The following RABGAP1L variants were observed in gnomAD, a reference collection of about 807,000 sequenced individuals.
RABGAP1L encodes the protein RAB GTPase activating protein 1 like.
In RABGAP1L, 63 loss-of-function variants were observed where a neutral mutation model predicts 137.7. That is an observed-to-expected ratio of 0.46 (90% CI 0.37 to 0.56). The LOEUF is 0.56. Ranked by LOEUF, RABGAP1L falls within the 20% of genes least tolerant of loss-of-function variation. The pLI is 0.00. For missense variants in RABGAP1L, 1,095 were observed against 1,244.0 expected (o/e 0.88, Z 1.80); for synonymous variants, 431 against 433.7 (o/e 0.99, Z 0.08).
chr1:174,909,632 C>T (rs181512813), intron 19 of RABGAP1L, among the ~76,000 whole-genome samples: 4 of 152,082 alleles, frequency 2.6e-5, no homozygotes, highest in East Asian at 1.9e-4. Flanking sequence ...AAGTTAAAAT[C>T]GAAACTTTAG....
intron 13 of RABGAP1L, among the ~76,000 whole-genome samples, chr1:174,477,879 A>G (rs1219246354): frequency 6.6e-6 from 1 of 152,154 alleles, no homozygotes; most frequent in Non-Finnish European, 1.5e-5. Context: ...TCAGTCATTT[A>G]GAGATTTTTT....
chr1:174,643,781 A>G (rs1459875437), intron 14 of RABGAP1L, among the ~76,000 whole-genome samples: 2 of 151,972 alleles, frequency 1.3e-5, no homozygotes, highest in Non-Finnish European at 1.5e-5. Flanking sequence ...CATATTATTC[A>G]TTTTAGATGA....
chr1:174,453,496 G>A (rs1356108432), intron 13 of RABGAP1L, among the ~76,000 whole-genome samples: 1 of 152,188 alleles, frequency 6.6e-6, no homozygotes, highest in Non-Finnish European at 1.5e-5. Flanking sequence ...AGATTTAGAT[G>A]TGAGAAATCT....
At chr1:174,334,601 C>A (rs542055164) in intron 11 of RABGAP1L, among the ~76,000 whole-genome samples, 1 of 152,316 alleles carries the variant, frequency 6.6e-6, no homozygotes, top group South Asian at 2.1e-4. Context: ...TTCCAACAAA[C>A]AAACCAGATG....
intron 1 of RABGAP1L, among the ~76,000 whole-genome samples, chr1:174,210,658 G>T (rs75907910): frequency 0.022 from 3,387 of 152,242 alleles, 60 homozygotes; most frequent in Middle Eastern, 0.088. Context: ...GATAGAGAAA[G>T]ATATGGGTAG....
chr1:174,569,253 C>CA (rs34575771), intron 13 of RABGAP1L, among the ~76,000 whole-genome samples: 1 of 151,998 alleles, frequency 6.6e-6, no homozygotes, highest in Non-Finnish European at 1.5e-5. Flanking sequence ...ACCCAGCCCT[C>CA]AAAAAAAGAG....
At chr1:174,671,383 A>C (rs556704711) in intron 14 of RABGAP1L, among the ~76,000 whole-genome samples, 1 of 152,190 alleles carries the variant, frequency 6.6e-6, no homozygotes, top group Non-Finnish European at 1.5e-5. Flanking sequence ...AGAAGTGAGA[A>C]TGGACATCCA....
chr1:174,284,061 G>A (rs370389164), intron 10 of RABGAP1L, among the ~76,000 whole-genome samples: 1 of 152,130 alleles, frequency 6.6e-6, no homozygotes, highest in African/African-American at 2.4e-5. Context: ...AATGATTACC[G>A]AAATCAAGTT....
chr1:174,512,740 T>A (rs1250074915), intron 13 of RABGAP1L, among the ~76,000 whole-genome samples: 4 of 152,172 alleles, frequency 2.6e-5, no homozygotes, highest in African/African-American at 9.6e-5. Context: ...TATGCCTCAC[T>A]GGGTGCACTG....
intron 10 of RABGAP1L, among the ~76,000 whole-genome samples, chr1:174,296,313 T>TCTGGAGACATTTGTACCCA (rs1677127451): frequency 6.6e-6 from 1 of 152,238 alleles, no homozygotes; most frequent in Non-Finnish European, 1.5e-5. Flanking sequence ...CAGCCCTCTG[T>TCTGGAGACATTTGTACCCA]GCATCTGGAG....
At chr1:174,597,253 A>C (rs1385499048) in intron 13 of RABGAP1L, among the ~76,000 whole-genome samples, 2 of 151,934 alleles carry the variant, frequency 1.3e-5, no homozygotes, top group African/African-American at 4.8e-5. Context: ...GGAAGTATTC[A>C]CTCCTCCATT....
intron 10 of RABGAP1L, among the ~76,000 whole-genome samples, chr1:174,280,053 GA>G (rs1675371926): frequency 6.8e-5 from 8 of 117,810 alleles, no homozygotes; most frequent in Admixed American, 3.0e-4. Flanking sequence ...TGCCTGGAGA[GA>G]GAGAGAGAGA....
chr1:174,521,295 T>A (rs1246520528), intron 13 of RABGAP1L, among the ~76,000 whole-genome samples: 2 of 152,236 alleles, frequency 1.3e-5, no homozygotes, highest in African/African-American at 4.8e-5. Context: ...TGGTAAAATC[T>A]GTCATGTGAG....
At chr1:174,434,334 T>C (rs1457348597) in intron 13 of RABGAP1L, among the ~76,000 whole-genome samples, 2 of 152,234 alleles carry the variant, frequency 1.3e-5, no homozygotes, top group East Asian at 3.8e-4. Flanking sequence ...TATATTTCAT[T>C]GTATGGAAAT....
chr1:174,982,552 A>G (rs919949139), intron 23 of RABGAP1L, among the ~76,000 whole-genome samples: 2 of 152,262 alleles, frequency 1.3e-5, no homozygotes, highest in African/African-American at 4.8e-5. Context: ...AAGTGAGGCC[A>G]GGAATTCACT....
At chr1:174,615,539 T>C (rs891170096) in intron 13 of RABGAP1L, among the ~76,000 whole-genome samples, 4 of 152,210 alleles carry the variant, frequency 2.6e-5, no homozygotes, top group Non-Finnish European at 5.9e-5. Context: ...AGGGACCCAA[T>C]TGAGGAGGCA....
At chr1:174,516,187 T>C (rs1303775832) in intron 13 of RABGAP1L, among the ~76,000 whole-genome samples, 1 of 149,518 alleles carries the variant, frequency 6.7e-6, no homozygotes, top group East Asian at 2.0e-4. Context: ...AGGGTCTCGC[T>C]CTGTCACCCA....
At position 174,944,274 on chromosome 1, in the gene RABGAP1L, CA is replaced by C. The variant is rs56225773; in HGVS notation, c.2341-13162del. 7.0e-3 allele frequency among the ~76,000 whole-genome samples: 358 copies of C among 50,870 alleles called. 2 individuals are homozygous for C. Among genetic ancestry groups the C allele is most frequent in the African/African-American group, 0.021 (289 of 13,524 alleles). The allele number at this position is 50,870 out of a possible 152,430, so 33.4% of individuals were successfully genotyped here. On this transcript the variant is annotated intron_variant, in intron 19 of 25. Coordinates refer to ENST00000681986, the MANE Select transcript of RABGAP1L (RefSeq NM_001366446.1). Reference sequence around the variant, plus strand: ...CCTGGGCAACAGAACAAGACTGTCTCAAAAAAAAAAAAAAAAAAAAAGCAAA... The same window carrying C: ...CCTGGGCAACAGAACAAGACTGTCTCAAAAAAAAAAAAAAAAAAAAGCAAA...
In RABGAP1L at chr1:174,551,361, C is replaced by G. The variant is rs554564570; in HGVS notation, c.1711-86014C>G. Reference sequence around the variant, plus strand: ...TCATATAGAGTATGTTGTCTGACCACAGTAGATTCAAAGTAGAAATCAGTA... The same window carrying G: ...TCATATAGAGTATGTTGTCTGACCAGAGTAGATTCAAAGTAGAAATCAGTA... On this transcript the variant is annotated intron_variant, in intron 13 of 25. Coordinates refer to ENST00000681986, the MANE Select transcript of RABGAP1L (RefSeq NM_001366446.1). Among the ~76,000 whole-genome samples the G allele has an allele frequency of 2.6e-5, 4 of 152,074 alleles. No homozygotes were observed. In the South Asian group the frequency reaches 8.3e-4, roughly 32 times the overall value.
Sources: allele counts gnomAD v4.1 joint callset (sites outside exome capture counted in the v4.1 genomes callset), GRCh38; gene constraint gnomAD v4.1.1; transcripts MANE v1.5; gene names NCBI Gene and HGNC (gene_info 2026-07-23, HGNC 2026-07-21).